LRRFIP2: variants seen among roughly 807,000 people sequenced by gnomAD.
The protein encoded by LRRFIP2 is leucine-rich repeat flightless-interacting protein 2.
A neutral mutation model predicts 125.9 loss-of-function variants in LRRFIP2; 109 were observed. That is an observed-to-expected ratio of 0.87 (90% CI 0.74 to 1.01). The LOEUF is 1.01. Among genes scored for constraint, LRRFIP2 ranks in the 50% least tolerant of loss-of-function variants. The pLI is 0.00. For missense variants in LRRFIP2, 850 were observed against 862.3 expected, an observed-to-expected ratio of 0.99 and a Z score of 0.18; for synonymous variants, 291 against 293.1, an observed-to-expected ratio of 0.99 and a Z score of 0.07.
intron 24 of LRRFIP2, among the ~76,000 whole-genome samples, chr3:37,059,794 A>ATAAT (rs1553684162): frequency 1.4e-5 from 1 of 72,608 alleles, no homozygotes; most frequent in African/African-American, 3.6e-5. Flanking sequence ...TCAAAAAAAA[A>ATAAT]AAAAATAATA....
intron 2 of LRRFIP2, chr3:37,135,007 T>A: frequency 5.9e-6 from 9 of 1,518,638 alleles, no homozygotes; most frequent in Middle Eastern, 2.4e-4. Flanking sequence ...CAAACCCAGA[T>A]GACCCCCTAG....
At chr3:37,087,277 T>C (rs2093116694) in intron 18 of LRRFIP2, among the ~76,000 whole-genome samples, 1 of 152,242 alleles carries the variant, frequency 6.6e-6, no homozygotes. Context: ...GCTCTAAATG[T>C]ATCTAAATGT....
intron 4 of LRRFIP2, among the ~76,000 whole-genome samples, chr3:37,124,435 G>C (rs6791473): frequency 0.042 from 6,377 of 152,086 alleles, 399 homozygotes; most frequent in African/African-American, 0.13. Flanking sequence ...AAAACATTTG[G>C]GTCATTTTTA....
chr3:37,147,761 T>C (rs2095894376), intron 2 of LRRFIP2, among the ~76,000 whole-genome samples: 1 of 152,252 alleles, frequency 6.6e-6, no homozygotes, highest in Admixed American at 6.5e-5. Context: ...TATACCATAT[T>C]AGTTTGTGGT....
intron 19 of LRRFIP2, among the ~76,000 whole-genome samples, chr3:37,082,370 T>C (rs1041068519): frequency 2.6e-5 from 4 of 152,222 alleles, no homozygotes; most frequent in African/African-American, 9.6e-5. Context: ...TAAACAATTT[T>C]AGAGCAGTTT....
At chr3:37,115,786 C>T (rs968269058) in intron 6 of LRRFIP2, among the ~76,000 whole-genome samples, 15 of 152,124 alleles carry the variant, frequency 9.9e-5, no homozygotes, top group Admixed American at 8.5e-4. Context: ...ATGTAGGATC[C>T]TTTTTAAAAG....
intron 1 of LRRFIP2, among the ~76,000 whole-genome samples, chr3:37,166,067 G>A (rs1338614757): frequency 6.6e-6 from 1 of 152,148 alleles, no homozygotes; most frequent in Non-Finnish European, 1.5e-5. Flanking sequence ...GCAGGGCGCG[G>A]TGGCTCACAT....
chr3:37,095,177 G>A (rs2093657965), intron 16 of LRRFIP2, among the ~76,000 whole-genome samples: 1 of 152,058 alleles, frequency 6.6e-6, no homozygotes, highest in African/African-American at 2.4e-5. Context: ...TTTTTATGAG[G>A]GTTATTTTCT....
rs1296484428 is a variant in LRRFIP2 at position 37,072,842 on chromosome 3, T to A, written c.1412A>T (p.Lys471Ile). The A allele has an allele frequency of 6.2e-7, 1 of 1,613,182 alleles. No individual in the cohort carries two copies. The highest frequency in any genetic ancestry group is 8.5e-7 in the Non-Finnish European group (1 of 1,179,648). The change falls in exon 21 of 28, where the codon AAA becomes ATA. Residue 471 changes from lysine to isoleucine, a missense_variant. Physicochemically the swap from Lys to Ile is moderately radical, Grantham distance 102. Transcript: ENST00000336686. Reference sequence around the variant, plus strand: ...TGTCTCCTGGAGGTCAAACACCTCTTTTGTCATGGTGTCTATTTTCTGCTG... The same window carrying A: ...TGTCTCCTGGAGGTCAAACACCTCTATTGTCATGGTGTCTATTTTCTGCTG... Reference protein sequence around the residue: ...RMQQKIDTMTKEVFDLQETLL... With the variant: ...RMQQKIDTMTIEVFDLQETLL...
chr3:37,163,578 C>G lies in LRRFIP2; in HGVS notation c.-56+10961G>C, dbSNP rs572287838. 2.4e-4 allele frequency among the ~76,000 whole-genome samples: 37 copies of G among 152,266 alleles called. No individual in the cohort carries two copies. In the East Asian group the frequency reaches 7.1e-3, roughly 29 times the overall value. On this transcript the variant is annotated intron_variant, in intron 1 of 27. Coordinates refer to ENST00000336686, the MANE Select transcript of LRRFIP2 (RefSeq NM_006309.4). ...CCCTCAATGACTCTGTGGAACAGAC[C>G]ACCACTCTGTCACTGCTTTTCAACT...
At chr3:37,133,148 C>T (rs1318027360) in intron 2 of LRRFIP2, among the ~76,000 whole-genome samples, 1 of 152,168 alleles carries the variant, frequency 6.6e-6, no homozygotes, top group Non-Finnish European at 1.5e-5. Context: ...TCACTTGAAC[C>T]CTGGAGGCAG....
chr3:37,096,709 C>CT (rs748498893), intron 15 of LRRFIP2, 49 bp from the exon 16 acceptor site: 9 of 1,140,400 alleles, frequency 7.9e-6, no homozygotes, highest in East Asian at 5.3e-5. Context: ...AGCAAGTTGA[C>CT]TTTTTTTGGG....
At chr3:37,134,150 C>G in intron 2 of LRRFIP2, among the ~76,000 whole-genome samples, 1 of 147,704 alleles carries the variant, frequency 6.8e-6, no homozygotes, top group Admixed American at 6.9e-5. Context: ...CCACTGCACT[C>G]TAGCCTGGGC....
At chr3:37,157,018 A>G (rs551527284) in intron 1 of LRRFIP2, among the ~76,000 whole-genome samples, 51 of 152,206 alleles carry the variant, frequency 3.4e-4, no homozygotes, top group Non-Finnish European at 6.3e-4. Context: ...AATCCCAGCT[A>G]CTTGGGAGGC....
intron 13 of LRRFIP2, among the ~76,000 whole-genome samples, chr3:37,106,455 C>T (rs537827861): frequency 6.6e-6 from 1 of 152,240 alleles, no homozygotes; most frequent in East Asian, 1.9e-4. Context: ...GTTATTCTAA[C>T]CCCAACCTGC....
At chr3:37,068,521 C>T (rs1317492913) in intron 21 of LRRFIP2, 1 of 152,176 alleles carries the variant, frequency 6.6e-6, no homozygotes, top group Non-Finnish European at 1.5e-5. Context: ...AGTTTGAAGA[C>T]TACTAAAATA....
chr3:37,053,705 TTC>T lies in LRRFIP2; in HGVS notation c.*144_*145del. The T allele has an allele frequency of 1.6e-6, 1 of 609,520 alleles. No homozygotes were observed. Among genetic ancestry groups the T allele is most frequent in the South Asian group, 2.0e-5 (1 of 48,902 alleles). 37.8% of individuals were successfully genotyped at this position (609,520 alleles called of 1,614,324 possible). A position where few individuals can be genotyped will look rare whatever the true frequency, so the allele number is the denominator to read the frequency against. ...TTCATGTAGATTCAAAATGACTTCA[TTC>T]TGTCATAAATTATAAAATACAAAGG... On this transcript the variant is annotated 3_prime_UTR_variant, in exon 28 of 28. Transcript: ENST00000336686.
chr3:37,080,518 A>T (rs180824995), intron 19 of LRRFIP2, among the ~76,000 whole-genome samples: 2 of 152,182 alleles, frequency 1.3e-5, no homozygotes, highest in Admixed American at 1.3e-4. Context: ...ATCTAAGCAC[A>T]CACATACAGC....
In LRRFIP2 at chr3:37,148,913, A is replaced by G; in HGVS notation, c.71T>C (p.Leu24Ser). The change falls in exon 2 of 28, where the codon TTG becomes TCG. Residue 24 changes from leucine to serine, a missense_variant. Physicochemically the swap from Leu to Ser is moderately radical, Grantham distance 145. Coordinates refer to ENST00000336686, the MANE Select transcript of LRRFIP2 (RefSeq NM_006309.4). Reference protein sequence around the residue: ...KDRFSAEDEALSNIAREAEAR... With the variant: ...KDRFSAEDEASSNIAREAEAR... Reference sequence around the variant, plus strand: ...ACATACCTCTCTGGCAATGTTACTCAAAGCTTCATCTTCTGCAGAAAATCG... The same window carrying G: ...ACATACCTCTCTGGCAATGTTACTCGAAGCTTCATCTTCTGCAGAAAATCG... The G allele has an allele frequency of 6.2e-7, 1 of 1,614,102 alleles. No individual in the cohort carries two copies. The highest frequency in any genetic ancestry group is 8.5e-7 in the Non-Finnish European group (1 of 1,179,982).
Sources: gnomAD v4.1 joint callset for allele counts (sites outside exome capture counted in the v4.1 genomes callset) on GRCh38, gnomAD v4.1.1 for gene constraint, MANE v1.5 for transcripts, NCBI Gene and HGNC (gene_info 2026-07-23, HGNC 2026-07-21) for gene names.